DOP1B: variants seen among roughly 807,000 people sequenced by gnomAD.
DOP1B encodes protein DOP1B.
In DOP1B, 174 loss-of-function variants were observed where a neutral mutation model predicts 233.5. The ratio of observed to expected loss-of-function variants is 0.75; its 90% CI spans 0.66 to 0.85. The LOEUF is 0.85. DOP1B is among the 40% of genes least tolerant of loss of function. DOP1B has a pLI of 0.00. For synonymous variants in DOP1B, 1,190 were observed against 1,185.6 expected (o/e 1.00, Z -0.08); for missense variants, 2,652 against 2,846.6 (o/e 0.93, Z 1.56).
At chr21:36,274,310 A>G (rs983108878) in intron 27 of DOP1B, among the ~76,000 whole-genome samples, 1 of 152,138 alleles carries the variant, frequency 6.6e-6, no homozygotes, top group Non-Finnish European at 1.5e-5. Context: ...ACAGAAAGGG[A>G]CAGTTTAAAT....
chr21:36,198,970 C>A (rs376995741), intron 2 of DOP1B, 100 bp from the exon 3 acceptor site: 1 of 1,287,732 alleles, frequency 7.8e-7, no homozygotes. Context: ...TACAGCCACA[C>A]TGGGACATGG....
At chr21:36,169,450 G>T (rs2065950113) in intron 2 of DOP1B, 2 of 1,063,732 alleles carry the variant, frequency 1.9e-6, no homozygotes, top group East Asian at 4.7e-5. Flanking sequence ...GGCCTCGGTG[G>T]GTCTTGTGGG....
chr21:36,187,892 C>T (rs920515443), intron 2 of DOP1B, among the ~76,000 whole-genome samples: 4 of 152,118 alleles, frequency 2.6e-5, no homozygotes, highest in African/African-American at 4.8e-5. Context: ...TAAGCCACTG[C>T]GCCTGGCCTG....
intron 2 of DOP1B, chr21:36,169,809 T>C: frequency 8.6e-7 from 1 of 1,169,158 alleles, no homozygotes; most frequent in Non-Finnish European, 1.3e-6. Flanking sequence ...TCTTCCTAGA[T>C]TTATGCCGGT....
chr21:36,287,323 T>C (rs2067496830), intron 32 of DOP1B, among the ~76,000 whole-genome samples: 1 of 152,126 alleles, frequency 6.6e-6, no homozygotes, highest in Non-Finnish European at 1.5e-5. Context: ...GTCCATATGA[T>C]TGTGTAAGTC....
At chr21:36,272,939 G>A (rs1429255458) in intron 27 of DOP1B, among the ~76,000 whole-genome samples, 4 of 129,644 alleles carry the variant, frequency 3.1e-5, no homozygotes, top group Middle Eastern at 5.4e-3. Flanking sequence ...AGCCAAGATC[G>A]CACCATTGCA....
At chr21:36,273,077 G>A (rs1278520472) in intron 27 of DOP1B, among the ~76,000 whole-genome samples, 1 of 151,392 alleles carries the variant, frequency 6.6e-6, no homozygotes, top group Non-Finnish European at 1.5e-5. Flanking sequence ...ACTCCAGCCT[G>A]GGCGACAGAG....
chr21:36,291,239 C>T (rs13047003), intron 35 of DOP1B, among the ~76,000 whole-genome samples: 4,941 of 151,862 alleles, frequency 0.033, 108 homozygotes, highest in Non-Finnish European at 0.046. Context: ...CCAGCCTGGG[C>T]GAAAGAGCGA....
intron 1 of DOP1B, among the ~76,000 whole-genome samples, chr21:36,159,827 G>C (rs2065854488): frequency 2.0e-5 from 3 of 152,194 alleles, no homozygotes. Context: ...TCTGCCGGTG[G>C]CTGAGTTTCC....
chr21:36,250,945 G>T (rs1410547966), intron 21 of DOP1B, among the ~76,000 whole-genome samples: 1 of 152,148 alleles, frequency 6.6e-6, no homozygotes, highest in Non-Finnish European at 1.5e-5. Context: ...CCCCCCGCCG[G>T]CATGACACGC....
rs753151751 is a variant in DOP1B at position 36,239,955 on chromosome 21, G to C, written c.3067G>C (p.Asp1023His). Residue 1023 changes from aspartate to histidine, a missense_variant and splice_region_variant, in exon 18 of 37, where the codon GAT becomes CAT. Coordinates refer to ENST00000691173, the MANE Select transcript of DOP1B (RefSeq NM_001320714.2). ...CTGCCTCAAGCAGGAGAACTCGGCCGGTGAGCAGCCTGCACAGGACCCGAG... is the reference window on the plus strand; with the variant it reads ...CTGCCTCAAGCAGGAGAACTCGGCCCGTGAGCAGCCTGCACAGGACCCGAG... The part of the protein sequence containing the change: ...IHCLKQENSA[D>H]DLHRWFNRKK... 1 of 1,607,464 alleles carries C rather than the reference G, an allele frequency of 6.2e-7. No individual in the cohort carries two copies. Among genetic ancestry groups the C allele is most frequent in the African/African-American group, 1.3e-5 (1 of 74,748 alleles).
chr21:36,196,733 G>T (rs1360718036), intron 2 of DOP1B, among the ~76,000 whole-genome samples: 3 of 152,066 alleles, frequency 2.0e-5, no homozygotes, highest in African/African-American at 7.2e-5. Context: ...TCTGAGCAAT[G>T]TAGGGAGACC....
intron 5 of DOP1B, among the ~76,000 whole-genome samples, chr21:36,211,236 G>A (rs958295621): frequency 6.6e-6 from 1 of 152,206 alleles, no homozygotes; most frequent in South Asian, 2.1e-4. Context: ...TTTCCCATGT[G>A]TCTTCAGAGC....
chr21:36,219,435 A>G lies in DOP1B; in HGVS notation c.1193A>G (p.Asp398Gly), dbSNP rs150245118. ...AGGGCCTTTTATTCTTACTGCAGAG[A>G]TGCCCTTGGCTCTGATCTTAAACTT... The part of the protein sequence containing the change: ...VIRAFYSYCR[D>G]ALGSDLKLSY... The change falls in exon 10 of 37, where the codon GAT becomes GGT. Residue 398 changes from aspartate to glycine, a missense_variant. By Grantham distance (94) the Asp-to-Gly change is moderately conservative. This residue lies in a region of DOP1B where 2,617 missense variants were observed against 2,794.3 expected (regional missense o/e 0.94). Transcript: ENST00000691173. 6.2e-6 allele frequency: 10 copies of G among 1,614,168 alleles called. No homozygotes were observed. The highest frequency in any genetic ancestry group is 8.5e-6 in the Non-Finnish European group (10 of 1,180,034).
intron 32 of DOP1B, among the ~76,000 whole-genome samples, chr21:36,287,802 G>A (rs2067503780): frequency 2.6e-5 from 4 of 151,770 alleles, no homozygotes; most frequent in Non-Finnish European, 4.4e-5. Flanking sequence ...GGCCAGGCTG[G>A]CCTCGAACTC....
intron 18 of DOP1B, among the ~76,000 whole-genome samples, chr21:36,244,628 T>C (rs149694819): frequency 0.013 from 2,035 of 151,520 alleles, 49 homozygotes; most frequent in African/African-American, 0.047. Context: ...GTTTCACCAT[T>C]TTGGCGAGGC....
Position 36,227,798 on chromosome 21 carries a change from T to C in DOP1B, c.1586T>C (p.Leu529Ser). The part of the protein sequence containing the change: ...ALSLPELTHA[L>S]KTCFKVLSKV... ...AGTTTACCTGAACTCACGCATGCCT[T>C]GAAGACGTGTTTCAAGGTGCTCAGC... is the stretch of plus-strand genomic sequence containing the variant. The change falls in exon 13 of 37, where the codon TTG becomes TCG. Residue 529 changes from leucine to serine, a missense_variant. Leu to Ser is a moderately radical substitution (Grantham distance 145, BLOSUM62 -2). Transcript: ENST00000691173. 1 of 1,613,826 alleles carries C rather than the reference T, an allele frequency of 6.2e-7. No individual in the cohort carries two copies. The highest frequency in any genetic ancestry group is 8.5e-7 in the Non-Finnish European group (1 of 1,179,792).
At chr21:36,254,402 A>G (rs1303631485) in intron 23 of DOP1B, among the ~76,000 whole-genome samples, 2 of 152,178 alleles carry the variant, frequency 1.3e-5, no homozygotes, top group African/African-American at 4.8e-5. Flanking sequence ...GGGAGGAGGG[A>G]GGGGGAAGGA....
intron 27 of DOP1B, among the ~76,000 whole-genome samples, chr21:36,270,577 A>AAAAT: frequency 6.7e-6 from 1 of 148,702 alleles, no homozygotes; most frequent in Non-Finnish European, 1.5e-5. Context: ...AAAAAAAAAA[A>AAAAT]AGTATTTAGA....
Sources: gnomAD v4.1 joint callset for allele counts (sites outside exome capture counted in the v4.1 genomes callset) on GRCh38, gnomAD v4.1.1 for gene constraint, gnomAD v4.1.1 regional missense constraint, MANE v1.5 for transcripts, NCBI Gene and HGNC (gene_info 2026-07-23, HGNC 2026-07-21) for gene names.